Variants in GRID1 observed in about 807,000 individuals in gnomAD.
GRID1 encodes glutamate receptor ionotropic, delta-1.
A neutral mutation model predicts 98.0 loss-of-function variants in GRID1; 28 were observed. The observed-to-expected ratio is 0.29, with a 90% confidence interval of 0.21 to 0.39. The LOEUF is 0.39. Among genes scored for constraint, GRID1 ranks in the 10% least tolerant of loss-of-function variants. GRID1 has a pLI of 1.00. For missense variants in GRID1, 1,111 were observed against 1,340.5 expected, an observed-to-expected ratio of 0.83 and a Z score of 2.67; for synonymous variants, 553 against 538.5, an observed-to-expected ratio of 1.03 and a Z score of -0.37.
intron 8 of GRID1, among the ~76,000 whole-genome samples, chr10:85,835,674 C>T (rs1842906156): frequency 6.6e-6 from 1 of 152,178 alleles, no homozygotes; most frequent in South Asian, 2.1e-4. Context: ...ATACAACAAT[C>T]AACCAATAAT....
At chr10:85,759,055 A>T (rs1042137383) in intron 8 of GRID1, among the ~76,000 whole-genome samples, 4 of 152,250 alleles carry the variant, frequency 2.6e-5, no homozygotes, top group Admixed American at 6.5e-5. Flanking sequence ...CATGCCTAGG[A>T]CATAGTAAAC....
chr10:85,761,131 G>A (rs1842143385), intron 8 of GRID1, among the ~76,000 whole-genome samples: 1 of 152,212 alleles, frequency 6.6e-6, no homozygotes, highest in Non-Finnish European at 1.5e-5. Context: ...ATCCCAGGAA[G>A]AAGGAAGCAC....
chr10:85,849,646 T>C (rs530434255), intron 8 of GRID1, among the ~76,000 whole-genome samples: 1 of 152,216 alleles, frequency 6.6e-6, no homozygotes, highest in African/African-American at 2.4e-5. Context: ...GAAATGATGT[T>C]CTGGGTCCTC....
At chr10:85,654,712 T>A (rs1241962651) in intron 12 of GRID1, among the ~76,000 whole-genome samples, 1 of 152,152 alleles carries the variant, frequency 6.6e-6, no homozygotes, top group African/African-American at 2.4e-5. Context: ...GTGAGACTAA[T>A]TCAAAGTGGT....
Position 86,286,541 on chromosome 10 carries a change from C to T in GRID1, c.235+77400G>A, listed in dbSNP as rs372132383. Among the ~76,000 whole-genome samples, 47 of 152,316 alleles carry T rather than the reference C, an allele frequency of 3.1e-4. No individual in the cohort carries two copies. The South Asian group carries it at 8.1e-3, about 26-fold the overall frequency. On this transcript the variant is annotated intron_variant, in intron 2 of 15. Coordinates refer to ENST00000327946, the MANE Select transcript of GRID1 (RefSeq NM_017551.3). ...CCACGAGAAGCCAGGCAGGAATTTG[C>T]AGTACAGGATGCGCTCCACAAATGG...
intron 8 of GRID1, among the ~76,000 whole-genome samples, chr10:85,838,849 G>T (rs1409030659): frequency 6.6e-6 from 1 of 151,986 alleles, no homozygotes; most frequent in Non-Finnish European, 1.5e-5. Flanking sequence ...AGCACAAGTG[G>T]CAAGCTGGAT....
At chr10:86,033,341 G>A (rs528602654) in intron 4 of GRID1, among the ~76,000 whole-genome samples, 10 of 149,970 alleles carry the variant, frequency 6.7e-5, no homozygotes, top group Non-Finnish European at 1.0e-4. Context: ...GGCTTGGTAC[G>A]CTCCTCAGAG....
chr10:86,193,213 C>A (rs1195577449), intron 3 of GRID1, among the ~76,000 whole-genome samples: 1 of 152,020 alleles, frequency 6.6e-6, no homozygotes, highest in Non-Finnish European at 1.5e-5. Context: ...ATCTGAATCG[C>A]CACCTGCAGC....
At chr10:85,968,559 G>A (rs1267841002) in intron 4 of GRID1, among the ~76,000 whole-genome samples, 2 of 150,554 alleles carry the variant, frequency 1.3e-5, no homozygotes, top group African/African-American at 4.9e-5. Context: ...ATAATATAAA[G>A]AAGGGGGAGG....
intron 4 of GRID1, among the ~76,000 whole-genome samples, chr10:86,062,743 T>C (rs1438015795): frequency 6.6e-6 from 1 of 152,200 alleles, no homozygotes; most frequent in Non-Finnish European, 1.5e-5. Context: ...CGTAAGCTCC[T>C]TGAAAGGGGA....
intron 8 of GRID1, among the ~76,000 whole-genome samples, chr10:85,803,428 C>A (rs1842595249): frequency 6.6e-6 from 1 of 151,976 alleles, no homozygotes; most frequent in Non-Finnish European, 1.5e-5. Flanking sequence ...ACCTAACTGA[C>A]ATTTATGGAA....
chr10:85,698,928 C>T (rs565818435), intron 12 of GRID1, among the ~76,000 whole-genome samples: 22 of 152,234 alleles, frequency 1.4e-4, no homozygotes, highest in African/African-American at 4.8e-4. Context: ...TGTTTGTTTG[C>T]CATCTGTAAA....
intron 4 of GRID1, among the ~76,000 whole-genome samples, chr10:85,979,298 C>T (rs932419074): frequency 6.6e-5 from 10 of 152,144 alleles, no homozygotes; most frequent in African/African-American, 2.4e-4. Context: ...GTGGTGAGGT[C>T]TTGGAGGTCC....
chr10:85,844,278 G>A (rs1340293117), intron 8 of GRID1, among the ~76,000 whole-genome samples: 1 of 152,062 alleles, frequency 6.6e-6, no homozygotes, highest in Non-Finnish European at 1.5e-5. Flanking sequence ...GGAACAAGAA[G>A]GGCAGGGAGG....
intron 13 of GRID1, chr10:85,646,437 G>T (rs907267596): frequency 7.2e-5 from 11 of 152,384 alleles, no homozygotes; most frequent in African/African-American, 2.2e-4. Context: ...CTCTACAGCT[G>T]CACGTGTTGG....
At chr10:86,117,806 G>C (rs1394999092) in intron 4 of GRID1, among the ~76,000 whole-genome samples, 1 of 152,216 alleles carries the variant, frequency 6.6e-6, no homozygotes, top group Non-Finnish European at 1.5e-5. Flanking sequence ...AAAAATAATA[G>C]ATGTTGGCTT....
intron 8 of GRID1, among the ~76,000 whole-genome samples, chr10:85,820,091 CAGGCAGGA>C (rs1564600320): frequency 7.3e-5 from 7 of 95,636 alleles, no homozygotes; most frequent in Admixed American, 1.1e-4. Flanking sequence ...GGCAGGCAGG[CAGGCAGGA>C]AGGAAGGGAG....
intron 4 of GRID1, among the ~76,000 whole-genome samples, chr10:86,023,563 C>T (rs1843077793): frequency 1.3e-5 from 2 of 152,160 alleles, no homozygotes; most frequent in South Asian, 2.1e-4. Context: ...CTCTCTTGAA[C>T]ACCATTTCTT....
chr10:85,774,788 A>C (rs1842312370), intron 8 of GRID1, among the ~76,000 whole-genome samples: 1 of 150,216 alleles, frequency 6.7e-6, no homozygotes, highest in African/African-American at 2.4e-5. Context: ...ACCATCTCAC[A>C]CCAGTTAGAA....
Sources: allele counts gnomAD v4.1 joint callset (sites outside exome capture counted in the v4.1 genomes callset), GRCh38; gene constraint gnomAD v4.1.1; transcripts MANE v1.5; gene names NCBI Gene and HGNC (gene_info 2026-07-23, HGNC 2026-07-21).